Variants in SETSIP observed in about 807,000 individuals in gnomAD.
The protein encoded by SETSIP is protein SETSIP.
SETSIP carries 15 observed loss-of-function variants against 21.9 expected under a neutral mutation model. The observed-to-expected ratio is 0.69, with a 90% confidence interval of 0.46 to 1.06. The LOEUF (loss-of-function observed/expected upper bound fraction) is 1.06, where lower values mean the gene tolerates loss of function less well. SETSIP is among the 50% of genes least tolerant of loss of function. The probability of loss-of-function intolerance (pLI) is 0.00; values close to 1 mark genes in which losing one functional copy is unlikely to be tolerated. For missense variants in SETSIP, 310 were observed against 337.4 expected (o/e 0.92, Z 0.64); for synonymous variants, 101 against 121.2 (o/e 0.83, Z 1.09).
In SETSIP at chr1:92,075,399, G is replaced by T. The variant is rs762914176; in HGVS notation, c.13C>A (p.Arg5Ser). Reference sequence around the variant, plus strand: ...TTTTGAAGTGGGAGTGGAGACTGGCGTTTAGGGGCCATGCTGTTAGGGAAG... The same window carrying T: ...TTTTGAAGTGGGAGTGGAGACTGGCTTTTAGGGGCCATGCTGTTAGGGAAG... The change falls in exon 1 of 1, where the codon CGC becomes AGC. Residue 5 changes from arginine to serine, a missense_variant. Arg to Ser is a moderately radical substitution (Grantham distance 110). Coordinates refer to ENST00000596516, the Ensembl canonical transcript of SETSIP. 63 of 1,587,732 alleles carry T rather than the reference G, an allele frequency of 4.0e-5. 1 individual carries two copies. The Admixed American group carries it at 1.1e-3, about 28-fold the overall frequency.
chr1:92,075,240 G>A (rs536491236), exon 1 of SETSIP: 36 of 1,611,914 alleles, frequency 2.2e-5, no homozygotes, highest in Non-Finnish European at 2.9e-5. Context: ...TGTTCATTAA[G>A]TCTGTCTATT....
rs1647797270 is a variant in SETSIP, at chr1:92,074,578, A to G, written c.834T>C (p.Asp278=). 1.9e-6 allele frequency: 3 copies of G among 1,568,536 alleles called. No homozygotes were observed. In the Admixed American group the frequency reaches 5.8e-5, roughly 30 times the overall value. ...CCTCCTCTCCTTCCTCCCCTTCATCATCATCTTCATCTTCTTCACCTTCAT... is the reference window on the plus strand; with the variant it reads ...CCTCCTCTCCTTCCTCCCCTTCATCGTCATCTTCATCTTCTTCACCTTCAT... Residue 278 remains aspartate (D), a synonymous_variant, in exon 1 of 1, where the codon GAT becomes GAC. Transcript: ENST00000596516.
exon 1 of SETSIP, chr1:92,074,602 A>T: frequency 6.4e-7 from 1 of 1,564,464 alleles, no homozygotes; most frequent in Non-Finnish European, 8.6e-7. Context: ...CTTCACCTTC[A>T]TCCTCATCCC....
exon 1 of SETSIP, chr1:92,074,611 C>T (rs1223524840): frequency 3.5e-5 from 55 of 1,567,022 alleles, no homozygotes; most frequent in Non-Finnish European, 4.6e-5. Context: ...CATCCTCATC[C>T]CCTTCATCAA....
At chr1:92,074,948 T>C in exon 1 of SETSIP, 7 of 1,611,660 alleles carry the variant, frequency 4.3e-6, no homozygotes, top group Non-Finnish European at 5.9e-6. Flanking sequence ...CAGATGAAAT[T>C]CTTTGGAGAA....
exon 1 of SETSIP, chr1:92,074,581 ATCTTCATCT>A: frequency 1.3e-6 from 2 of 1,566,502 alleles, no homozygotes; most frequent in Non-Finnish European, 1.7e-6. Context: ...CTTCATCATC[ATCTTCATCT>A]TCTTCACCTT....
exon 1 of SETSIP, chr1:92,074,867 C>T (rs1156587523): frequency 3.1e-6 from 5 of 1,611,498 alleles, no homozygotes; most frequent in Admixed American, 1.7e-5. Context: ...TTGACTTGAA[C>T]GTTTCGTCAC....
chr1:92,074,605 C>A, exon 1 of SETSIP: 1 of 1,567,200 alleles, frequency 6.4e-7, no homozygotes, highest in South Asian at 1.2e-5. Flanking sequence ...CACCTTCATC[C>A]TCATCCCCTT....
chr1:92,074,653 A>C, exon 1 of SETSIP: 6 of 1,523,350 alleles, frequency 3.9e-6, no homozygotes, highest in South Asian at 1.3e-5. Flanking sequence ...CTTCATCACC[A>C]TCATCATCAT....
At chr1:92,075,081 C>T in exon 1 of SETSIP, 1 of 1,611,898 alleles carries the variant, frequency 6.2e-7, no homozygotes, top group Non-Finnish European at 8.5e-7. Context: ...TCGTCCTCCT[C>T]CCCAAGCAGT....
chr1:92,074,983 T>A (rs2101882206), exon 1 of SETSIP: 2 of 1,611,464 alleles, frequency 1.2e-6, no homozygotes, highest in Non-Finnish European at 1.7e-6. Flanking sequence ...AGTAAGGATT[T>A]TCATCAAAAT....
chr1:92,075,166 C>G, exon 1 of SETSIP: 1 of 1,611,816 alleles, frequency 6.2e-7, no homozygotes, highest in South Asian at 1.1e-5. Flanking sequence ...CTGACCTCTT[C>G]TGAAAAAATG....
chr1:92,074,864 G>T lies in SETSIP; in HGVS notation c.548C>A (p.Ser183Ter). ...GCTGGCTTTATTCTGCGTTTGACTTGAACGTTTCGTCACATCCTTTCCAGA... is the reference window on the plus strand; with the variant it reads ...GCTGGCTTTATTCTGCGTTTGACTTTAACGTTTCGTCACATCCTTTCCAGA... Residue 183 changes from serine to a stop codon, truncating the protein, a stop_gained, in exon 1 of 1, where the codon TCA becomes TAA. Coordinates refer to ENST00000596516, the Ensembl canonical transcript of SETSIP. LOFTEE classifies it high-confidence loss of function. 1 of 1,611,580 alleles carries T rather than the reference G, an allele frequency of 6.2e-7. No individual in the cohort carries two copies.
At chr1:92,075,195 A>G (rs1465013109) in exon 1 of SETSIP, 2 of 1,611,538 alleles carry the variant, frequency 1.2e-6, no homozygotes, top group Admixed American at 1.7e-5. Flanking sequence ...AGTTTGTTAT[A>G]TTTCTGTTCT....
At chr1:92,075,238 A>C in exon 1 of SETSIP, 2 of 1,611,908 alleles carry the variant, frequency 1.2e-6, no homozygotes. Flanking sequence ...CTTGTTCATT[A>C]AGTCTGTCTA....
exon 1 of SETSIP, chr1:92,075,293 T>C: frequency 1.2e-6 from 2 of 1,612,018 alleles, no homozygotes; most frequent in South Asian, 2.2e-5. Context: ...TTCTTGCTGT[T>C]CTTTTTCTCC....
At chr1:92,075,342 G>T (rs1647815727) in exon 1 of SETSIP, 1 of 1,611,392 alleles carries the variant, frequency 6.2e-7, no homozygotes, top group East Asian at 2.2e-5. Context: ...GTCTCCTCCA[G>T]TCCCAGAGCA....
chr1:92,074,578 ATCATCT>A (rs1302105327), exon 1 of SETSIP: 63 of 1,568,418 alleles, frequency 4.0e-5, no homozygotes, highest in Non-Finnish European at 5.2e-5. Flanking sequence ...CCCCTTCATC[ATCATCT>A]TCATCTTCTT....
exon 1 of SETSIP, chr1:92,075,050 G>C (rs1279314233): frequency 6.2e-7 from 1 of 1,611,700 alleles, no homozygotes; most frequent in African/African-American, 1.3e-5. Context: ...TTCAACTTTA[G>C]TCAAATAATG....
Sources: allele counts gnomAD v4.1 joint callset, GRCh38; gene constraint gnomAD v4.1.1; transcripts MANE v1.5; gene names NCBI Gene and HGNC (gene_info 2026-07-23, HGNC 2026-07-21).